CLSTN2: variants seen among roughly 807,000 people sequenced by gnomAD.
CLSTN2 encodes the protein calsyntenin-2.
A neutral mutation model predicts 101.2 loss-of-function variants in CLSTN2; 48 were observed. That is an observed-to-expected ratio of 0.47 (90% CI 0.38 to 0.60). CLSTN2 has a LOEUF of 0.60. CLSTN2 is among the 20% of genes least tolerant of loss of function. The probability of loss-of-function intolerance (pLI) is 0.00; values close to 1 mark genes in which losing one functional copy is unlikely to be tolerated. For synonymous variants in CLSTN2, 481 were observed against 463.6 expected, an observed-to-expected ratio of 1.04 and a Z score of -0.48; for missense variants, 1,160 against 1,238.2, an observed-to-expected ratio of 0.94 and a Z score of 0.95.
chr3:140,003,406 G>A (rs2006888503), intron 1 of CLSTN2, among the ~76,000 whole-genome samples: 1 of 152,116 alleles, frequency 6.6e-6, no homozygotes, highest in Admixed American at 6.5e-5. Flanking sequence ...TTTGTATCCT[G>A]AAACTTTACT....
intron 4 of CLSTN2, among the ~76,000 whole-genome samples, chr3:140,420,055 G>C (rs2088483794): frequency 6.6e-6 from 1 of 150,604 alleles, no homozygotes; most frequent in Admixed American, 6.6e-5. Context: ...ATCACACCTG[G>C]TTAATTTTTG....
chr3:140,513,454 A>C (rs1055540602), intron 8 of CLSTN2, among the ~76,000 whole-genome samples: 2 of 152,166 alleles, frequency 1.3e-5, no homozygotes, highest in African/African-American at 4.8e-5. Flanking sequence ...CCTGGAGATG[A>C]AGCCAAGTTT....
In CLSTN2 at chr3:140,448,719, T is replaced by C; in HGVS notation, c.973+15T>C. The C allele has an allele frequency of 6.3e-7, 1 of 1,593,998 alleles. No homozygotes were observed. ...AAAGTTATGTGGTAGGTTTTTCCCTTTTGGGATTTTAAAAATCAATTGCTT... is the reference window on the plus strand; with the variant it reads ...AAAGTTATGTGGTAGGTTTTTCCCTCTTGGGATTTTAAAAATCAATTGCTT... On this transcript the variant is annotated intron_variant, in intron 6 of 16. Coordinates refer to ENST00000458420, the MANE Select transcript of CLSTN2 (RefSeq NM_022131.3).
intron 4 of CLSTN2, among the ~76,000 whole-genome samples, chr3:140,412,667 C>T (rs988137146): frequency 6.6e-6 from 1 of 152,052 alleles, no homozygotes; most frequent in Non-Finnish European, 1.5e-5. Context: ...TTAAGTCTTA[C>T]ATTTAAGATT....
chr3:140,063,404 A>T (rs1204709083), intron 1 of CLSTN2, among the ~76,000 whole-genome samples: 1 of 152,164 alleles, frequency 6.6e-6, no homozygotes, highest in South Asian at 2.1e-4. Flanking sequence ...TAGAACCAAA[A>T]TGATAAAAGG....
intron 10 of CLSTN2, among the ~76,000 whole-genome samples, chr3:140,547,442 C>A (rs1324996634): frequency 6.6e-6 from 1 of 151,818 alleles, no homozygotes; most frequent in Non-Finnish European, 1.5e-5. Context: ...CCAATGCACT[C>A]CAGCCTGGGC....
chr3:140,461,917 C>G (rs1933572818), intron 7 of CLSTN2, among the ~76,000 whole-genome samples: 1 of 151,126 alleles, frequency 6.6e-6, no homozygotes, highest in Non-Finnish European at 1.5e-5. Context: ...AGAAAAAAAT[C>G]TATAAATACC....
intron 1 of CLSTN2, among the ~76,000 whole-genome samples, chr3:140,025,144 A>T (rs1439590942): frequency 2.0e-5 from 3 of 152,106 alleles, no homozygotes; most frequent in Admixed American, 2.0e-4. Context: ...TTTTGTTTGT[A>T]AGAACTTCAA....
intron 1 of CLSTN2, among the ~76,000 whole-genome samples, chr3:139,973,364 G>C (rs1452087061): frequency 6.6e-6 from 1 of 152,222 alleles, no homozygotes; most frequent in Non-Finnish European, 1.5e-5. Context: ...ACTGGCTCAG[G>C]TCAGTAGCCA....
Position 140,568,210 on chromosome 3 carries a change from A to C in CLSTN2, c.*1957A>C, listed in dbSNP as rs1985361766. Reference sequence around the variant, plus strand: ...GCTGCAAACCTACTATGTGCTAAGCATCCTACCAATAGCTGTGAGAAAAAG... The same window carrying C: ...GCTGCAAACCTACTATGTGCTAAGCCTCCTACCAATAGCTGTGAGAAAAAG... On this transcript the variant is annotated 3_prime_UTR_variant, in exon 17 of 17. Coordinates refer to ENST00000458420, the MANE Select transcript of CLSTN2 (RefSeq NM_022131.3). 1 of 152,250 alleles carries C rather than the reference A, an allele frequency of 6.6e-6. No homozygotes were observed. Among genetic ancestry groups the C allele is most frequent in the African/African-American group, 2.4e-5 (1 of 41,454 alleles). 9.4% of individuals were successfully genotyped at this position (152,250 alleles called of 1,614,324 possible).
chr3:140,366,117 C>A (rs560724761), intron 2 of CLSTN2, among the ~76,000 whole-genome samples: 1 of 152,222 alleles, frequency 6.6e-6, no homozygotes, highest in Non-Finnish European at 1.5e-5. Context: ...TCATCTGCTG[C>A]GTGTCAGAGA....
intron 7 of CLSTN2, among the ~76,000 whole-genome samples, chr3:140,461,939 TAA>T (rs200151531): frequency 6.8e-6 from 1 of 146,590 alleles, no homozygotes; most frequent in East Asian, 2.0e-4. Flanking sequence ...CATCCTAAAT[TAA>T]AAAAAAAAAT....
Position 139,936,236 on chromosome 3 carries a change from G to C in CLSTN2, c.109+753G>C, listed in dbSNP as rs920351430. 7.2e-5 allele frequency among the ~76,000 whole-genome samples: 11 copies of C among 152,288 alleles called. No homozygotes were observed. The South Asian group carries it at 2.1e-3, about 29-fold the overall frequency. On this transcript the variant is annotated intron_variant, in intron 1 of 16. Coordinates refer to ENST00000458420, the MANE Select transcript of CLSTN2 (RefSeq NM_022131.3). ...GCTCTGTCAGGCGAGCCTGGAAGCC[G>C]GCGAACCCCGGACTTTGACAGCTGC...
intron 1 of CLSTN2, among the ~76,000 whole-genome samples, chr3:140,024,559 G>T (rs938857631): frequency 6.6e-6 from 1 of 152,186 alleles, no homozygotes; most frequent in East Asian, 1.9e-4. Context: ...TCAGCTAGTC[G>T]CAAACAACAC....
chr3:140,340,315 G>A (rs2087480235), intron 2 of CLSTN2, among the ~76,000 whole-genome samples: 1 of 152,206 alleles, frequency 6.6e-6, no homozygotes. Context: ...AGTAATGTAT[G>A]CCGGCCAGCT....
intron 8 of CLSTN2, among the ~76,000 whole-genome samples, chr3:140,515,449 G>A (rs1025285759): frequency 1.4e-4 from 21 of 152,028 alleles, no homozygotes; most frequent in Admixed American, 1.0e-3. Context: ...GTTCCTTGAG[G>A]TGTGGCCTTA....
At chr3:140,162,789 T>A (rs2010069301) in intron 1 of CLSTN2, among the ~76,000 whole-genome samples, 1 of 152,156 alleles carries the variant, frequency 6.6e-6, no homozygotes, top group African/African-American at 2.4e-5. Context: ...GGCAAGCATT[T>A]TGCAGTGAAT....
intron 2 of CLSTN2, among the ~76,000 whole-genome samples, chr3:140,351,793 T>G (rs2087609404): frequency 2.1e-5 from 1 of 47,490 alleles, no homozygotes; most frequent in African/African-American, 7.8e-5. Flanking sequence ...TTTTGTTTTG[T>G]TTTTTTTTTT....
intron 2 of CLSTN2, among the ~76,000 whole-genome samples, chr3:140,181,709 TACAC>T (rs10549079): frequency 3.3e-5 from 5 of 151,614 alleles, no homozygotes; most frequent in East Asian, 3.9e-4. Context: ...GTCCTTTTAT[TACAC>T]ACACACACAC....
Sources: allele counts gnomAD v4.1 joint callset (sites outside exome capture counted in the v4.1 genomes callset), GRCh38; gene constraint gnomAD v4.1.1; transcripts MANE v1.5; gene names NCBI Gene and HGNC (gene_info 2026-07-23, HGNC 2026-07-21).